NOTCH1: variants seen among roughly 807,000 people sequenced by gnomAD.
NOTCH1 encodes neurogenic locus notch homolog protein 1.
NOTCH1 carries 37 observed loss-of-function variants against 254.8 expected under a neutral mutation model. The ratio of observed to expected loss-of-function variants is 0.15; its 90% confidence interval spans 0.11 to 0.19. The LOEUF is 0.19. Ranked by LOEUF, NOTCH1 falls within the 10% of genes least tolerant of loss-of-function variation. The probability of loss-of-function intolerance (pLI) is 1.00; values close to 1 mark genes in which losing one functional copy is unlikely to be tolerated. For synonymous variants in NOTCH1, 1,731 were observed against 1,618.1 expected (o/e 1.07, Z -1.68); for missense variants, 2,972 against 3,708.6 (o/e 0.80, Z 5.16).
chr9:136,518,897 T>A, intron 5 of NOTCH1, 73 bp from the exon 6 acceptor site: 1 of 1,349,144 alleles, frequency 7.4e-7, no homozygotes, highest in South Asian at 1.2e-5. Context: ...AGACGCAGGG[T>A]GGCAATGCCG....
chr9:136,524,006 A>AAG, intron 2 of NOTCH1, 27 bp from the exon 3 acceptor site: 6 of 1,539,514 alleles, frequency 3.9e-6, no homozygotes, highest in Non-Finnish European at 4.4e-6. Context: ...CAGGGCAGTT[A>AAG]GTTCCCACCT....
Position 136,495,960 on chromosome 9 carries a change from T to C in NOTCH1, c.*111A>G. On this transcript the variant is annotated 3_prime_UTR_variant, in exon 34 of 34. Transcript: ENST00000651671. ...TTAAAATCCTCGTTCTTATTTTGTA[T>C]AAAAACATGTGTTTTAAAAAGGCTC... is the stretch of plus-strand genomic sequence containing the variant. 8.6e-7 allele frequency: 1 copy of C among 1,160,698 alleles called. No individual in the cohort carries two copies. Among genetic ancestry groups the C allele is most frequent in the Non-Finnish European group, 1.2e-6 (1 of 838,530 alleles). The allele number at this position is 1,160,698 out of a possible 1,614,324, so 71.9% of individuals were successfully genotyped here.
rs527690078 is a variant in NOTCH1, at chr9:136,498,980, G to A, written c.6099C>T (p.His2033=). Residue 2033 remains histidine (H), a synonymous_variant, in exon 33 of 34, where the codon CAC becomes CAT. Coordinates refer to ENST00000651671, the MANE Select transcript of NOTCH1 (RefSeq NM_017617.5). The part of the protein sequence containing the change: ...AVDDLGKSAL[H]WAAAVNNVDA... ...CCACATTGTTCACGGCGGCGGCCCA[G>A]TGCAGGGCGGACTTGCCTGCGTGAA... is the stretch of plus-strand genomic sequence containing the variant. 2 of 1,613,462 alleles carry A rather than the reference G, an allele frequency of 1.2e-6. No individual in the cohort carries two copies. The highest frequency in any genetic ancestry group is 4.5e-5 in the East Asian group (2 of 44,886).
intron 2 of NOTCH1, among the ~76,000 whole-genome samples, chr9:136,542,544 CAAAAA>C (rs1174860714): frequency 1.7e-4 from 9 of 52,508 alleles, no homozygotes; most frequent in East Asian, 1.4e-3. Flanking sequence ...CCCCAAAAAG[CAAAAA>C]AAAAAAAAAA....
At chr9:136,541,714 C>T (rs543553177) in intron 2 of NOTCH1, among the ~76,000 whole-genome samples, 88 of 152,314 alleles carry the variant, frequency 5.8e-4, no homozygotes, top group African/African-American at 2.0e-3. Flanking sequence ...GGGCCTTCTC[C>T]GAAGCGGCTG....
At position 136,523,819 on chromosome 9, in the gene NOTCH1, G is replaced by A. The variant is rs746491686; in HGVS notation, c.301C>T (p.Pro101Ser). 6.2e-7 allele frequency: 1 copy of A among 1,611,842 alleles called. No homozygotes were observed. ...TTGGTGAGGCAGGCATTGTCCAGGG[G>A]TGTCAGGCAGAGGGGCCCAGAGAAG... ...LGFSGPLCLTPLDNACLTNPC... is the reference protein window; with the variant it reads ...LGFSGPLCLTSLDNACLTNPC... Residue 101 changes from proline to serine, a missense_variant, in exon 3 of 34, where the codon CCC becomes TCC. By Grantham distance (74) the Pro-to-Ser change is moderately conservative. Transcript: ENST00000651671.
At chr9:136,517,229 G>C (rs1843289503) in intron 9 of NOTCH1, 43 bp downstream of exon 9, 1 of 1,310,550 alleles carries the variant, frequency 7.6e-7, no homozygotes, top group East Asian at 2.5e-5. Flanking sequence ...CAGGAGGCCA[G>C]GGTGCAGACG....
rs557773323 is a variant in NOTCH1 at position 136,499,181 on chromosome 9, G to A, written c.6013C>T (p.Leu2005=). Residue 2005 remains leucine, a synonymous_variant, in exon 32 of 34, where the codon CTG becomes TTG. Coordinates refer to ENST00000651671, the MANE Select transcript of NOTCH1 (RefSeq NM_017617.5). ...TCCTCCAGCATGCCCTCCACGGCCAGGCGGGCAGCCAGGATCAGTGGCGTC... is the reference window on the plus strand; with the variant it reads ...TCCTCCAGCATGCCCTCCACGGCCAAGCGGGCAGCCAGGATCAGTGGCGTC... ...GTTPLILAAR[L]AVEGMLEDLI... 18 of 1,613,378 alleles carry A rather than the reference G, an allele frequency of 1.1e-5. No individual in the cohort carries two copies. In the East Asian group the frequency reaches 3.6e-4, roughly 32 times the overall value.
intron 27 of NOTCH1, chr9:136,502,803 T>A (rs1843020048): frequency 1.8e-6 from 1 of 565,238 alleles, no homozygotes; most frequent in Non-Finnish European, 3.2e-6. Flanking sequence ...TTAGAGGGAT[T>A]TTCAAGATAC....
chr9:136,494,737 T>C lies in NOTCH1; in HGVS notation c.*1334A>G, dbSNP rs1842891789. 2.5e-6 allele frequency: 1 copy of C among 398,608 alleles called. No homozygotes were observed. Among genetic ancestry groups the C allele is most frequent in the South Asian group, 1.3e-4 (1 of 7,866 alleles). The allele number at this position is 398,608 out of a possible 1,614,324, so 24.7% of individuals were successfully genotyped here. Reference sequence around the variant, plus strand: ...AAGGCTCCCCGAGCTGAGCCAAGTCTGACGTCCCTCACTGGCATGACACAC... The same window carrying C: ...AAGGCTCCCCGAGCTGAGCCAAGTCCGACGTCCCTCACTGGCATGACACAC... On this transcript the variant is annotated 3_prime_UTR_variant, in exon 34 of 34. Coordinates refer to ENST00000651671, the MANE Select transcript of NOTCH1 (RefSeq NM_017617.5).
Position 136,496,686 on chromosome 9 carries a change from G to C in NOTCH1, c.7053C>G (p.His2351Gln). 2 of 1,612,850 alleles carry C rather than the reference G, an allele frequency of 1.2e-6. No homozygotes were observed. The highest frequency in any genetic ancestry group is 8.5e-7 in the Non-Finnish European group (1 of 1,179,954). The part of the protein sequence containing the change: ...SLQHGMVGPL[H>Q]SSLAASALSQ... ...ACAGGGCGCTGGCAGCAAGGCTACT[G>C]TGCAGCGGGCCTACCATGCCATGCT... The change falls in exon 34 of 34, where the codon CAC (histidine) becomes CAG (glutamine). Residue 2351 changes from histidine to glutamine, a missense_variant. His to Gln is a conservative substitution (Grantham distance 24). Transcript: ENST00000651671.
At chr9:136,499,813 A>C (rs1167450594) in intron 31 of NOTCH1, among the ~76,000 whole-genome samples, 2 of 152,360 alleles carry the variant, frequency 1.3e-5, no homozygotes, top group Admixed American at 6.5e-5. Context: ...TGTGCAAAGA[A>C]GGCAGCTGAG....
At chr9:136,525,834 C>G (rs777355763) in intron 2 of NOTCH1, among the ~76,000 whole-genome samples, 2 of 152,208 alleles carry the variant, frequency 1.3e-5, no homozygotes, top group Admixed American at 6.5e-5. Flanking sequence ...CCCAAAGGCC[C>G]GGGAGGCATC....
intron 9 of NOTCH1, among the ~76,000 whole-genome samples, chr9:136,516,807 C>G (rs1005763436): frequency 1.3e-5 from 2 of 152,208 alleles, no homozygotes; most frequent in Admixed American, 1.3e-4. Context: ...CTCCCACTCC[C>G]CACTGGGCCC....
intron 2 of NOTCH1, among the ~76,000 whole-genome samples, chr9:136,535,895 G>C (rs1843646492): frequency 8.3e-6 from 1 of 120,140 alleles, no homozygotes; most frequent in African/African-American, 3.2e-5. Context: ...GGGTGGAGGG[G>C]GGAGCACTCA....
intron 26 of NOTCH1, among the ~76,000 whole-genome samples, chr9:136,504,365 C>T (rs1434326982): frequency 6.6e-6 from 1 of 152,186 alleles, no homozygotes; most frequent in African/African-American, 2.4e-5. Flanking sequence ...AGTGTAGTAT[C>T]CAGTGCCTAA....
Position 136,507,326 on chromosome 9 carries a change from A to G in NOTCH1, c.3622T>C (p.Ser1208Pro). Reference protein sequence around the residue: ...CLDLPNTYKCSCPRGTQGVHC... With the variant: ...CLDLPNTYKCPCPRGTQGVHC... The stretch of plus-strand genomic sequence containing the variant: ...TTACCCTGAGTGCCCCGTGGGCAGG[A>G]GCACTTGTAGGTGTTGGGGAGGTCG... Residue 1208 changes from serine (S) to proline (P), a missense_variant, in exon 22 of 34, where the codon TCC becomes CCC. Transcript: ENST00000651671. 1.9e-6 allele frequency: 3 copies of G among 1,612,866 alleles called. No homozygotes were observed. The highest frequency in any genetic ancestry group is 2.5e-6 in the Non-Finnish European group (3 of 1,179,918).
intron 31 of NOTCH1, 135 bp from the exon 32 acceptor site, chr9:136,499,394 G>A (rs1055896088): frequency 1.3e-5 from 17 of 1,331,536 alleles, no homozygotes; most frequent in South Asian, 8.2e-5. Context: ...CGGCACGGCC[G>A]GGCAAGACGA....
intron 19 of NOTCH1, 84 bp from the exon 20 acceptor site, chr9:136,508,469 A>G (rs2133348077): frequency 6.3e-7 from 1 of 1,582,956 alleles, no homozygotes; most frequent in African/African-American, 1.3e-5. Flanking sequence ...CAAGGGGCCT[A>G]CTCCAACCCA....
Sources: gnomAD v4.1 joint callset for allele counts (sites outside exome capture counted in the v4.1 genomes callset) on GRCh38, gnomAD v4.1.1 for gene constraint, MANE v1.5 for transcripts, NCBI Gene and HGNC (gene_info 2026-07-23, HGNC 2026-07-21) for gene names.